Variants in MGAT4C observed in about 807,000 individuals in gnomAD.
MGAT4C encodes MGAT4 family member C, also known as alpha-1,3-mannosyl-glycoprotein 4-beta-N-acetylglucosaminyltransferase C.
MGAT4C carries 19 observed loss-of-function variants against 40.1 expected under a neutral mutation model. The observed-to-expected ratio is 0.47, with a 90% confidence interval of 0.33 to 0.70. The LOEUF (loss-of-function observed/expected upper bound fraction) is 0.70. Ranked by LOEUF, MGAT4C falls within the 30% of genes least tolerant of loss-of-function variation. The pLI is 0.02. For synonymous variants in MGAT4C, 181 were observed against 187.1 expected, an observed-to-expected ratio of 0.97 and a Z score of 0.27; for missense variants, 491 against 563.2, an observed-to-expected ratio of 0.87 and a Z score of 1.30.
At chr12:86,131,565 G>T (rs1483390529) in intron 1 of MGAT4C, among the ~76,000 whole-genome samples, 2 of 151,874 alleles carry the variant, frequency 1.3e-5, no homozygotes, top group Non-Finnish European at 2.9e-5. Flanking sequence ...TATTTCAATA[G>T]ACATTATTTT....
chr12:86,449,653 T>G lies in MGAT4C; in HGVS notation c.-228-14388A>C, dbSNP rs186617334. 7.9e-5 allele frequency among the ~76,000 whole-genome samples: 12 copies of G among 152,282 alleles called. No individual in the cohort carries two copies. The East Asian group carries it at 2.1e-3, about 27-fold the overall frequency. On this transcript the variant is annotated intron_variant, in intron 2 of 7. Coordinates refer to the MGAT4C transcript ENST00000548651. Reference sequence around the variant, plus strand: ...AAATAACTAAGTCTGTTTTTGAAATTTTTATAGATGTAATAGCACACTATG... The same window carrying G: ...AAATAACTAAGTCTGTTTTTGAAATGTTTATAGATGTAATAGCACACTATG...
intron 1 of MGAT4C, among the ~76,000 whole-genome samples, chr12:86,082,935 T>G (rs1278183042): frequency 6.6e-6 from 1 of 152,068 alleles, no homozygotes; most frequent in Non-Finnish European, 1.5e-5. Context: ...ATTTTCAGAG[T>G]ATATCATATG....
At chr12:86,722,880 T>A (rs1426451437) in intron 2 of MGAT4C, among the ~76,000 whole-genome samples, 7 of 152,196 alleles carry the variant, frequency 4.6e-5, no homozygotes, top group Admixed American at 4.6e-4. Flanking sequence ...TTGGTATACA[T>A]AAAATTGTCT....
intron 1 of MGAT4C, among the ~76,000 whole-genome samples, chr12:86,153,706 T>C (rs1884580058): frequency 6.6e-6 from 1 of 152,196 alleles, no homozygotes; most frequent in African/African-American, 2.4e-5. Flanking sequence ...TTTCCTGTGC[T>C]CTCACTTCTC....
At chr12:86,504,782 G>A (rs1384520395) in intron 2 of MGAT4C, among the ~76,000 whole-genome samples, 1 of 152,110 alleles carries the variant, frequency 6.6e-6, no homozygotes, top group Admixed American at 6.6e-5. Flanking sequence ...CGCCTCCCGG[G>A]TTCAAGCAAT....
chr12:86,428,818 A>G (rs1334955705), intron 3 of MGAT4C, among the ~76,000 whole-genome samples: 1 of 151,940 alleles, frequency 6.6e-6, no homozygotes, highest in Non-Finnish European at 1.5e-5. Flanking sequence ...TGTAATGTCT[A>G]CTTTTTCATT....
intron 2 of MGAT4C, among the ~76,000 whole-genome samples, chr12:86,603,684 T>C (rs1174141796): frequency 7.7e-6 from 1 of 129,518 alleles, no homozygotes; most frequent in East Asian, 2.2e-4. Flanking sequence ...ATATATACTA[T>C]ATATAGACTA....
At chr12:86,758,885 A>T (rs1400099823) in intron 1 of MGAT4C, among the ~76,000 whole-genome samples, 4 of 152,052 alleles carry the variant, frequency 2.6e-5, no homozygotes, top group Non-Finnish European at 5.9e-5. Context: ...TCATTTATTT[A>T]TATGAGAATA....
At chr12:86,437,097 A>C (rs1957150504) in intron 2 of MGAT4C, among the ~76,000 whole-genome samples, 1 of 151,546 alleles carries the variant, frequency 6.6e-6, no homozygotes, top group Admixed American at 6.6e-5. Flanking sequence ...AGTAATAGAC[A>C]AAAAAATCCC....
At chr12:86,822,079 G>C (rs766239741) in intron 1 of MGAT4C, among the ~76,000 whole-genome samples, 60 of 151,100 alleles carry the variant, frequency 4.0e-4, no homozygotes, top group Admixed American at 9.3e-4. Flanking sequence ...AAAGTGTAGA[G>C]TTTTATAAGT....
intron 3 of MGAT4C, among the ~76,000 whole-genome samples, chr12:85,985,529 A>G (rs1036973610): frequency 1.3e-5 from 2 of 152,136 alleles, no homozygotes; most frequent in Non-Finnish European, 2.9e-5. Context: ...GATAATTTGG[A>G]CCAAGAAATA....
chr12:86,663,726 C>T (rs1964035705), intron 2 of MGAT4C, among the ~76,000 whole-genome samples: 1 of 152,152 alleles, frequency 6.6e-6, no homozygotes, highest in African/African-American at 2.4e-5. Context: ...ATAGCCCCCT[C>T]CCCTATGCAC....
At chr12:86,614,195 A>G (rs1422271690) in intron 2 of MGAT4C, among the ~76,000 whole-genome samples, 2 of 152,174 alleles carry the variant, frequency 1.3e-5, no homozygotes, top group Non-Finnish European at 2.9e-5. Flanking sequence ...GGTTCTATCC[A>G]GTGTGTTTTT....
intron 1 of MGAT4C, among the ~76,000 whole-genome samples, chr12:86,811,437 C>A (rs1475652269): frequency 6.8e-6 from 1 of 147,028 alleles, no homozygotes; most frequent in African/African-American, 2.5e-5. Flanking sequence ...CCACCTCCTA[C>A]GTTAGGTAAT....
At chr12:86,635,136 TTC>T (rs1419964643) in intron 2 of MGAT4C, among the ~76,000 whole-genome samples, 3 of 152,148 alleles carry the variant, frequency 2.0e-5, no homozygotes, top group African/African-American at 7.2e-5. Context: ...TTATAGTATT[TTC>T]TCTCTTTCTT....
intron 2 of MGAT4C, among the ~76,000 whole-genome samples, chr12:86,527,669 T>C (rs939650445): frequency 3.3e-5 from 5 of 152,210 alleles, no homozygotes; most frequent in African/African-American, 1.2e-4. Context: ...CTTTTATTTC[T>C]TTCATCAGAG....
At chr12:86,252,235 T>G (rs942678251) in intron 1 of MGAT4C, among the ~76,000 whole-genome samples, 2 of 152,030 alleles carry the variant, frequency 1.3e-5, no homozygotes, top group Non-Finnish European at 2.9e-5. Flanking sequence ...AATTCTAATT[T>G]TACTGTCTTA....
chr12:86,700,158 C>CAGATAGATAGAT (rs1372373806), intron 2 of MGAT4C, among the ~76,000 whole-genome samples: 3 of 26,836 alleles, frequency 1.1e-4, no homozygotes, highest in Non-Finnish European at 1.3e-4. Flanking sequence ...GACAGACAGA[C>CAGATAGATAGAT]AGACAGACAG....
Position 86,225,358 on chromosome 12 carries a change from G to A in MGAT4C, c.-57+30881C>T, listed in dbSNP as rs535685158. 3.3e-5 allele frequency among the ~76,000 whole-genome samples: 5 copies of A among 152,108 alleles called. No individual in the cohort carries two copies. In the South Asian group the frequency reaches 6.2e-4, roughly 19 times the overall value. ...GGATGAATTCACAGTGAAATTAGAC[G>A]AGTCAAACAAAGAGAAACTAATATC... is the stretch of plus-strand genomic sequence containing the variant. On this transcript the variant is annotated intron_variant, in intron 1 of 4. Transcript: ENST00000611864.
Sources: allele counts gnomAD v4.1 joint callset (sites outside exome capture counted in the v4.1 genomes callset), GRCh38; gene constraint gnomAD v4.1.1; transcripts MANE v1.5; gene names NCBI Gene and HGNC (gene_info 2026-07-23, HGNC 2026-07-21).